Variants in MGST1 observed in about 807,000 individuals in gnomAD.
The protein encoded by MGST1 is microsomal glutathione S-transferase 1.
MGST1 carries 5 observed loss-of-function variants against 8.9 expected under a neutral mutation model. The observed-to-expected ratio is 0.56, with a 90% CI of 0.29 to 1.19. MGST1 has a LOEUF of 1.19. Among genes scored for constraint, MGST1 ranks in the 50% most tolerant of loss-of-function variants. MGST1 has a pLI of 0.08. For missense variants in MGST1, 182 were observed against 187.4 expected (o/e 0.97, Z 0.17); for synonymous variants, 54 against 67.8 (o/e 0.80, Z 1.00).
At chr12:16,530,077 A>G (rs1448506248) in intron 4 of MGST1, among the ~76,000 whole-genome samples, 1 of 152,108 alleles carries the variant, frequency 6.6e-6, no homozygotes, top group African/African-American at 2.4e-5. Flanking sequence ...TCATTTGTAT[A>G]GACAGATCTG....
intron 4 of MGST1, among the ~76,000 whole-genome samples, chr12:16,522,070 G>A (rs1226597139): frequency 6.6e-6 from 1 of 152,110 alleles, no homozygotes; most frequent in African/African-American, 2.4e-5. Flanking sequence ...GTCCCAACAT[G>A]AGAGGCGCTT....
chr12:16,568,427 A>G (rs1008755886), intron 4 of MGST1, among the ~76,000 whole-genome samples: 2 of 152,112 alleles, frequency 1.3e-5, no homozygotes, highest in African/African-American at 4.8e-5. Context: ...CCAACCTCCA[A>G]TCCACTCATA....
At chr12:16,541,451 A>G (rs1033337473) in intron 4 of MGST1, among the ~76,000 whole-genome samples, 1 of 152,190 alleles carries the variant, frequency 6.6e-6, no homozygotes, top group Non-Finnish European at 1.5e-5. Context: ...CTAACTAATT[A>G]CTTGAAAATA....
chr12:16,437,458 T>C (rs1940996867), exon 2 of MGST1: 1 of 151,948 alleles, frequency 6.6e-6, no homozygotes, highest in Admixed American at 6.6e-5. Flanking sequence ...TTCCAGGAAT[T>C]CTTCCCAGAA....
chr12:16,403,964 A>C (rs757300144), intron 1 of MGST1, among the ~76,000 whole-genome samples: 2 of 152,190 alleles, frequency 1.3e-5, no homozygotes, highest in Non-Finnish European at 2.9e-5. Flanking sequence ...ATTTGGGTGG[A>C]ACTAAGCCTA....
intron 4 of MGST1, among the ~76,000 whole-genome samples, chr12:16,485,694 T>C (rs1022279068): frequency 3.0e-4 from 45 of 152,156 alleles, no homozygotes; most frequent in Middle Eastern, 3.2e-3. Flanking sequence ...TAAATGGACA[T>C]TAGAATATTA....
At chr12:16,558,997 G>A (rs1016762468) in intron 4 of MGST1, among the ~76,000 whole-genome samples, 2 of 152,032 alleles carry the variant, frequency 1.3e-5, no homozygotes, top group African/African-American at 4.8e-5. Context: ...AATATATGGT[G>A]GTGCTGAAAT....
At chr12:16,543,483 A>C (rs1007590480) in intron 4 of MGST1, among the ~76,000 whole-genome samples, 8 of 152,102 alleles carry the variant, frequency 5.3e-5, no homozygotes, top group Non-Finnish European at 1.2e-4. Flanking sequence ...TGGAGCATAA[A>C]CCATGCCTGA....
downstream of MGST1, among the ~76,000 whole-genome samples, chr12:16,442,642 C>T (rs952246956): frequency 6.6e-6 from 1 of 151,778 alleles, no homozygotes; most frequent in African/African-American, 2.4e-5. This position sits in a 1 kb window ranked among gnomAD's most constrained non-coding sequence, Gnocchi z 4.5. Flanking sequence ...TATTCTGTTC[C>T]ATTGATCTAC....
At chr12:16,523,367 A>G (rs1408876390) in intron 4 of MGST1, among the ~76,000 whole-genome samples, 2 of 151,852 alleles carry the variant, frequency 1.3e-5, no homozygotes, top group African/African-American at 4.8e-5. Context: ...TTTAAAAGAC[A>G]GATTGTTTTC....
At chr12:16,360,700 T>A (rs1939948356) in intron 3 of MGST1, among the ~76,000 whole-genome samples, 1 of 152,170 alleles carries the variant, frequency 6.6e-6, no homozygotes, top group Non-Finnish European at 1.5e-5. Flanking sequence ...GAGTTGGTAT[T>A]TAGGGACAGG....
intron 1 of MGST1, chr12:16,399,543 T>A (rs1173181066): frequency 3.2e-6 from 5 of 1,567,116 alleles, no homozygotes; most frequent in Non-Finnish European, 4.4e-6. Flanking sequence ...ATAATCTTCA[T>A]CACTGTCCTC....
chr12:16,579,117 T>G (rs1324267709), intron 4 of MGST1, among the ~76,000 whole-genome samples: 1 of 152,130 alleles, frequency 6.6e-6, no homozygotes, highest in Non-Finnish European at 1.5e-5. Context: ...GTCATAAACT[T>G]CCACAGGGAT....
chr12:16,478,598 C>G (rs1049415756), intron 4 of MGST1, among the ~76,000 whole-genome samples: 9 of 151,742 alleles, frequency 5.9e-5, no homozygotes, highest in Admixed American at 2.0e-4. Flanking sequence ...GATTAAACCA[C>G]AAAATTACTA....
intron 4 of MGST1, among the ~76,000 whole-genome samples, chr12:16,516,251 T>G (rs1203329950): frequency 6.6e-6 from 1 of 152,216 alleles, no homozygotes; most frequent in African/African-American, 2.4e-5. Context: ...CTCAAGCTAT[T>G]GTTACTTTAA....
rs963133389 is a variant in MGST1, at chr12:16,410,471, T to C, written n.778+26867T>C. ...TGCAAATATGATGCACTCAGTTCTA[T>C]AGACGCTAGTCAGATTTGTAAAAGC... On this transcript the variant is annotated intron_variant and non_coding_transcript_variant, in intron 1 of 1. Transcript: ENST00000359720. This position sits in a 1 kb window ranked among gnomAD's most constrained non-coding sequence, Gnocchi z 4.4. 6.6e-6 allele frequency among the ~76,000 whole-genome samples: 1 copy of C among 151,918 alleles called. No homozygotes were observed. Among genetic ancestry groups the C allele is most frequent in the Non-Finnish European group, 1.5e-5 (1 of 67,972 alleles).
At chr12:16,386,087 C>T (rs1246478029) in intron 1 of MGST1, among the ~76,000 whole-genome samples, 1 of 152,158 alleles carries the variant, frequency 6.6e-6, no homozygotes, top group Non-Finnish European at 1.5e-5. Flanking sequence ...CCCTGTATGC[C>T]TGTTTGCCTT....
At chr12:16,396,134 C>T (rs1940603361) in intron 1 of MGST1, among the ~76,000 whole-genome samples, 1 of 151,912 alleles carries the variant, frequency 6.6e-6, no homozygotes, top group Non-Finnish European at 1.5e-5. Flanking sequence ...TTTATTATGG[C>T]CATTCTTGCA....
chr12:16,593,092 C>T (rs1451767247), downstream of MGST1, among the ~76,000 whole-genome samples: 3 of 151,688 alleles, frequency 2.0e-5, no homozygotes, highest in Non-Finnish European at 3.0e-5. This position sits in a 1 kb window ranked among gnomAD's most constrained non-coding sequence, Gnocchi z 4.2. Context: ...TTATGAAGTT[C>T]CATGCCTGCT....
Sources: allele counts gnomAD v4.1 joint callset (sites outside exome capture counted in the v4.1 genomes callset), GRCh38; gene constraint gnomAD v4.1.1; non-coding constraint Gnocchi (gnomAD v3.1); transcripts MANE v1.5; gene names NCBI Gene and HGNC (gene_info 2026-07-23, HGNC 2026-07-21).